Variants in VPS54 observed in about 807,000 individuals in gnomAD.
VPS54 encodes the protein VPS54 subunit of GARP complex, also known as vacuolar protein sorting-associated protein 54.
VPS54 carries 45 observed loss-of-function variants against 121.5 expected under a neutral mutation model. That is an observed-to-expected ratio of 0.37 (90% CI 0.29 to 0.47). The LOEUF (loss-of-function observed/expected upper bound fraction) is 0.47. Among genes scored for constraint, VPS54 ranks in the 20% least tolerant of loss-of-function variants. The pLI is 0.99. For synonymous variants in VPS54, 371 were observed against 385.8 expected, an observed-to-expected ratio of 0.96 and a Z score of 0.45; for missense variants, 1,090 against 1,131.4, an observed-to-expected ratio of 0.96 and a Z score of 0.52.
chr2:63,907,718 A>G (rs544384783), intron 20 of VPS54, among the ~76,000 whole-genome samples: 1 of 152,302 alleles, frequency 6.6e-6, no homozygotes, highest in Non-Finnish European at 1.5e-5. Flanking sequence ...TCTAAGATAT[A>G]TAAGGAACAC....
chr2:63,900,793 TCACTCTGATGA>T (rs1672650171), intron 20 of VPS54, among the ~76,000 whole-genome samples: 1 of 152,162 alleles, frequency 6.6e-6, no homozygotes, highest in Non-Finnish European at 1.5e-5. Flanking sequence ...AGACAGAGTC[TCACTCTGATGA>T]CAAGCTGGAG....
Position 63,947,405 on chromosome 2 carries a change from G to A in VPS54, c.1223C>T (p.Thr408Ile). The change falls in exon 9 of 23, where the codon ACA becomes ATA. Residue 408 changes from threonine to isoleucine, a missense_variant. Coordinates refer to ENST00000272322, the MANE Select transcript of VPS54 (RefSeq NM_016516.3). ...TACCTGTTTAATGATATTCTTTGCT[G>A]TAATAACCATTTTTTCACCATAGAT... ...LEIYGEKMVI[T>I]AKNIIKQCVI... The A allele has an allele frequency of 1.3e-6, 2 of 1,559,560 alleles. No individual in the cohort carries two copies. The highest frequency in any genetic ancestry group is 1.8e-6 in the Non-Finnish European group (2 of 1,142,752).
intron 1 of VPS54, among the ~76,000 whole-genome samples, chr2:64,013,653 TATATATTGATATATATATCTATATATTG>T (rs1576026430): frequency 6.9e-6 from 1 of 145,482 alleles, no homozygotes; most frequent in East Asian, 2.0e-4. Context: ...AATATATAGA[TATATATTGATATATATATCTATATATTG>T]ATATATATCA....
intron 11 of VPS54, among the ~76,000 whole-genome samples, chr2:63,938,931 A>T (rs1674589687): frequency 6.6e-6 from 1 of 152,114 alleles, no homozygotes; most frequent in Non-Finnish European, 1.5e-5. Flanking sequence ...ATGACCAAAA[A>T]GGAAGAAAAA....
chr2:63,985,387 A>T (rs1180740806), intron 1 of VPS54, among the ~76,000 whole-genome samples: 1 of 152,194 alleles, frequency 6.6e-6, no homozygotes, highest in Non-Finnish European at 1.5e-5. Context: ...CAAATAGTTC[A>T]TCTGTTCTAA....
At chr2:63,899,266 A>C (rs79711517) in intron 21 of VPS54, among the ~76,000 whole-genome samples, 1,898 of 152,304 alleles carry the variant, frequency 0.012, 54 homozygotes, top group African/African-American at 0.043. Context: ...AATATAGTAA[A>C]GCTCTAGCTC....
At position 63,892,731 on chromosome 2, in the gene VPS54, T is replaced by A. The variant is rs1275204029; in HGVS notation, c.*699A>T. The A allele has an allele frequency of 6.6e-6, 1 of 151,778 alleles. No homozygotes were observed. The highest frequency in any genetic ancestry group is 6.6e-5 in the Admixed American group (1 of 15,208). The allele number at this position is 151,778 out of a possible 1,614,324, so 9.4% of individuals were successfully genotyped here. On this transcript the variant is annotated 3_prime_UTR_variant, in exon 23 of 23. Coordinates refer to ENST00000272322, the MANE Select transcript of VPS54 (RefSeq NM_016516.3). ...GTTGCATAAATAGATGCCAGGATCT[T>A]TTTTTTTAAGTATTAATTACTTAAA...
At chr2:63,940,789 C>G (rs575804176) in intron 11 of VPS54, among the ~76,000 whole-genome samples, 12 of 152,298 alleles carry the variant, frequency 7.9e-5, no homozygotes, top group African/African-American at 2.9e-4. Flanking sequence ...TTCTATATAA[C>G]TAGACATGCA....
At chr2:63,993,640 C>A (rs1388074077) in intron 1 of VPS54, among the ~76,000 whole-genome samples, 2 of 152,158 alleles carry the variant, frequency 1.3e-5, no homozygotes, top group East Asian at 3.8e-4. Flanking sequence ...TAAATCGGCT[C>A]GAAGTTCAAG....
At chr2:63,893,629 T>A in intron 22 of VPS54, 94 bp from the exon 23 acceptor site, 1 of 1,114,304 alleles carries the variant, frequency 9.0e-7, no homozygotes, top group Non-Finnish European at 1.3e-6. Flanking sequence ...TCCTATTATC[T>A]AAAATTCAGA....
At chr2:63,974,973 G>A (rs1431050286) in intron 3 of VPS54, 2 of 1,546,782 alleles carry the variant, frequency 1.3e-6, no homozygotes, top group Non-Finnish European at 1.7e-6. Flanking sequence ...ACAGTGACAG[G>A]GGACATCCTT....
intron 8 of VPS54, among the ~76,000 whole-genome samples, chr2:63,948,159 C>T (rs1039394902): frequency 2.0e-5 from 3 of 152,070 alleles, no homozygotes; most frequent in Admixed American, 2.0e-4. Context: ...GTCTAGAAGA[C>T]TGAAATAATG....
At chr2:63,902,960 T>C (rs1672746136) in intron 20 of VPS54, among the ~76,000 whole-genome samples, 1 of 149,702 alleles carries the variant, frequency 6.7e-6, no homozygotes, top group African/African-American at 2.5e-5. Flanking sequence ...AGAGTGAGAC[T>C]GTCTCAAAAA....
chr2:63,898,206 A>C (rs1672523960), intron 21 of VPS54, among the ~76,000 whole-genome samples: 1 of 152,174 alleles, frequency 6.6e-6, no homozygotes, highest in African/African-American at 2.4e-5. Flanking sequence ...GCCACAGATA[A>C]AACACATGAA....
At chr2:63,966,651 A>C (rs1676016525) in intron 5 of VPS54, among the ~76,000 whole-genome samples, 1 of 152,190 alleles carries the variant, frequency 6.6e-6, no homozygotes, top group Non-Finnish European at 1.5e-5. Context: ...GTATAACTGT[A>C]TTAACTTCCC....
chr2:63,950,803 G>C (rs1017535302), intron 7 of VPS54, among the ~76,000 whole-genome samples: 2 of 151,932 alleles, frequency 1.3e-5, no homozygotes, highest in Non-Finnish European at 2.9e-5. Context: ...CCCCAGAGTA[G>C]GGCACTTTTG....
At chr2:63,938,059 G>GGTGTGTGGTGTGTGTGTGT (rs1553475200) in intron 11 of VPS54, among the ~76,000 whole-genome samples, 20 of 140,384 alleles carry the variant, frequency 1.4e-4, no homozygotes, top group Non-Finnish European at 2.3e-4. Flanking sequence ...TGGTGTGTGT[G>GGTGTGTGGTGTGTGTGTGT]GTGTGTGTGT....
chr2:64,004,257 G>A (rs1333952097), intron 1 of VPS54, among the ~76,000 whole-genome samples: 2 of 152,048 alleles, frequency 1.3e-5, no homozygotes, highest in Non-Finnish European at 2.9e-5. Flanking sequence ...AATATAAAAG[G>A]AATAACCAAA....
chr2:63,907,529 AAAAAAG>A (rs1322249101), intron 20 of VPS54, among the ~76,000 whole-genome samples: 1 of 151,692 alleles, frequency 6.6e-6, no homozygotes, highest in Non-Finnish European at 1.5e-5. Context: ...AAAAAAAAAA[AAAAAAG>A]AAAAGAAAAG....
Sources: allele counts gnomAD v4.1 joint callset (sites outside exome capture counted in the v4.1 genomes callset), GRCh38; gene constraint gnomAD v4.1.1; transcripts MANE v1.5; gene names NCBI Gene and HGNC (gene_info 2026-07-23, HGNC 2026-07-21).